Variants in TJP1 observed in about 807,000 individuals in gnomAD.
TJP1 encodes tight junction protein ZO-1.
TJP1 carries 43 observed loss-of-function variants against 194.2 expected under a neutral mutation model. The ratio of observed to expected loss-of-function variants is 0.22; its 90% CI spans 0.17 to 0.29. The LOEUF (loss-of-function observed/expected upper bound fraction) is 0.29. Ranked by LOEUF, TJP1 falls within the 10% of genes least tolerant of loss-of-function variation. The pLI is 1.00. For synonymous variants in TJP1, 801 were observed against 779.0 expected, an observed-to-expected ratio of 1.03 and a Z score of -0.47; for missense variants, 1,971 against 2,185.7, an observed-to-expected ratio of 0.90 and a Z score of 1.96.
rs200206615 is a variant in TJP1 at position 29,733,150 on chromosome 15, A to G, written c.1680T>C (p.Ile560=). 104 of 1,614,018 alleles carry G rather than the reference A, an allele frequency of 6.4e-5. No homozygotes were observed. Among genetic ancestry groups the G allele is most frequent in the Non-Finnish European group, 1.9e-5 (23 of 1,180,030 alleles). Residue 560 remains isoleucine (I), a synonymous_variant, in exon 13 of 28, where the codon ATT becomes ATC. Coordinates refer to ENST00000614355, the MANE Select transcript of TJP1 (RefSeq NM_001330239.4). ...YNGKLGSWLA[I]RIGKNHKEVE... ...CCTCCTTATGATTTTTACCAATTCG[A>G]ATAGCAAGCCAAGAGCCCAGTTTTC... is the stretch of plus-strand genomic sequence containing the variant.
At chr15:29,728,513 G>C (rs2043387390) in intron 15 of TJP1, 1 of 154,016 alleles carries the variant, frequency 6.5e-6, no homozygotes, top group Non-Finnish European at 1.4e-5. Context: ...CTGGGTTAGA[G>C]ACCTTAGTTA....
At chr15:29,710,608 G>A (rs1398036785) in intron 24 of TJP1, among the ~76,000 whole-genome samples, 1 of 152,120 alleles carries the variant, frequency 6.6e-6, no homozygotes, top group Non-Finnish European at 1.5e-5. Context: ...TTAGAGACTA[G>A]CATAAAATAG....
chr15:29,847,425 T>C (rs781283890), intron 2 of TJP1, among the ~76,000 whole-genome samples: 14 of 152,186 alleles, frequency 9.2e-5, no homozygotes, highest in Non-Finnish European at 1.9e-4. Context: ...CTGATTTTGC[T>C]CTCCTTTTTC....
At chr15:29,788,291 G>C (rs1449085425) in intron 2 of TJP1, among the ~76,000 whole-genome samples, 6 of 151,924 alleles carry the variant, frequency 3.9e-5, no homozygotes, top group Non-Finnish European at 8.8e-5. Context: ...GTCCTTTGAA[G>C]CACAAAAGTT....
In TJP1 at chr15:29,705,651, A is replaced by G. The variant is rs2041848350; in HGVS notation, c.4945T>C (p.Ser1649Pro). The G allele has an allele frequency of 6.2e-7, 1 of 1,614,162 alleles. No individual in the cohort carries two copies. Among genetic ancestry groups the G allele is most frequent in the Non-Finnish European group, 8.5e-7 (1 of 1,180,038 alleles). Reference sequence around the variant, plus strand: ...ATTATACTAACACCAGTTTCTATGGAACTCAGCACGCCCCCATTGCTGTTA... The same window carrying G: ...ATTATACTAACACCAGTTTCTATGGGACTCAGCACGCCCCCATTGCTGTTA... Reference protein sequence around the residue: ...IFNSNGGVLSSIETGVSIIIP... With the variant: ...IFNSNGGVLSPIETGVSIIIP... Residue 1649 changes from serine to proline, a missense_variant, in exon 26 of 28, where the codon TCC becomes CCC. Coordinates refer to ENST00000614355, the MANE Select transcript of TJP1 (RefSeq NM_001330239.4).
At chr15:29,849,262 T>C (rs1017671667) in intron 2 of TJP1, among the ~76,000 whole-genome samples, 3 of 152,166 alleles carry the variant, frequency 2.0e-5, no homozygotes, top group African/African-American at 7.2e-5. Flanking sequence ...TGTATGTTTG[T>C]TTTAATAGTA....
At chr15:29,821,484 T>G (rs2050341753) in intron 1 of TJP1, 1 of 152,232 alleles carries the variant, frequency 6.6e-6, no homozygotes, top group South Asian at 2.1e-4. Flanking sequence ...TGGAGTGTTT[T>G]GCAGTCTCAA....
chr15:29,897,286 T>A (rs1002177692), intron 2 of TJP1, among the ~76,000 whole-genome samples: 3 of 152,214 alleles, frequency 2.0e-5, no homozygotes, highest in African/African-American at 4.8e-5. Flanking sequence ...GTAAGCCCCA[T>A]GCCTTGGCAG....
intron 2 of TJP1, among the ~76,000 whole-genome samples, chr15:29,791,033 T>C (rs1198351915): frequency 3.3e-5 from 5 of 151,766 alleles, no homozygotes; most frequent in African/African-American, 9.7e-5. Flanking sequence ...GATATACTCG[T>C]TTCCTTTTTT....
chr15:29,725,228 G>A lies in TJP1; in HGVS notation c.2412+1151C>T, dbSNP rs370778665. Among the ~76,000 whole-genome samples the A allele has an allele frequency of 4.6e-5, 7 of 152,238 alleles. No individual in the cohort carries two copies. The South Asian group carries it at 1.5e-3, about 32-fold the overall frequency. ...TTATTCAGAGTGGTCTTAGGCTCTC[G>A]TATGCATGGTCCATCCCCCAGACTG... On this transcript the variant is annotated intron_variant, in intron 18 of 27. Transcript: ENST00000614355.
At chr15:29,871,335 T>C (rs1315970073) in intron 2 of TJP1, among the ~76,000 whole-genome samples, 2 of 152,226 alleles carry the variant, frequency 1.3e-5, no homozygotes, top group African/African-American at 2.4e-5. Context: ...ATATATACAG[T>C]TGGTTTTTCC....
intron 8 of TJP1, among the ~76,000 whole-genome samples, chr15:29,757,107 C>A (rs915114746): frequency 2.6e-5 from 4 of 152,144 alleles, no homozygotes; most frequent in Non-Finnish European, 4.4e-5. Context: ...CAAGGTTATG[C>A]AAGTAACCAA....
chr15:29,848,157 C>T (rs1369846239), intron 2 of TJP1, among the ~76,000 whole-genome samples: 2 of 151,750 alleles, frequency 1.3e-5, no homozygotes, highest in African/African-American at 4.8e-5. Context: ...GGTGAATGTT[C>T]CATGAGTGCT....
intron 11 of TJP1, among the ~76,000 whole-genome samples, chr15:29,736,668 A>G (rs1241071948): frequency 3.3e-5 from 5 of 152,254 alleles, no homozygotes; most frequent in African/African-American, 1.2e-4. Flanking sequence ...TATAGACTCT[A>G]CTGATACTCT....
chr15:29,773,537 A>G (rs985796950), intron 2 of TJP1, among the ~76,000 whole-genome samples, 180 bp from the exon 3 acceptor site: 1 of 152,242 alleles, frequency 6.6e-6, no homozygotes, highest in Non-Finnish European at 1.5e-5. Flanking sequence ...GCATGCTCTA[A>G]TAACTACTGG....
intron 2 of TJP1, among the ~76,000 whole-genome samples, chr15:29,781,926 T>C (rs2047391322): frequency 6.6e-6 from 1 of 152,120 alleles, no homozygotes; most frequent in Non-Finnish European, 1.5e-5. Flanking sequence ...AAGGATGCCC[T>C]CTCTCATCAC....
At chr15:29,833,882 T>TATATATATATA (rs67819417) in intron 2 of TJP1, among the ~76,000 whole-genome samples, 10 of 7,946 alleles carry the variant, frequency 1.3e-3, no homozygotes, top group Non-Finnish European at 1.5e-3. Context: ...TATATATATA[T>TATATATATATA]TTTTTTTTTT....
chr15:29,707,031 T>C (rs1469871371), intron 25 of TJP1, among the ~76,000 whole-genome samples: 1 of 152,092 alleles, frequency 6.6e-6, no homozygotes, highest in Admixed American at 6.6e-5. Context: ...AAAATCTCCC[T>C]AGGATTTTAA....
At position 29,772,108 on chromosome 15, in the gene TJP1, A is replaced by C; in HGVS notation, c.268T>G (p.Phe90Val). The C allele has an allele frequency of 6.2e-7, 1 of 1,605,830 alleles. No individual in the cohort carries two copies. Among genetic ancestry groups the C allele is most frequent in the Non-Finnish European group, 8.5e-7 (1 of 1,177,554 alleles). ...CTTTTCCTTAGTTGCTGAACAGCAA[A>C]AGCATGTTCAACATTATCCATTGAA... Reference protein sequence around the residue: ...GVSMDNVEHAFAVQQLRKSGK... With the variant: ...GVSMDNVEHAVAVQQLRKSGK... Residue 90 changes from phenylalanine to valine, a missense_variant, in exon 4 of 28, where the codon TTT becomes GTT. Around this residue, in one of 5 missense-constraint regions of TJP1, gnomAD observed 245 missense variants for 336.6 expected, o/e 0.73. Transcript: ENST00000614355.
Sources: allele counts gnomAD v4.1 joint callset (sites outside exome capture counted in the v4.1 genomes callset), GRCh38; gene constraint gnomAD v4.1.1; regional missense constraint gnomAD v4.1.1; transcripts MANE v1.5; gene names NCBI Gene and HGNC (gene_info 2026-07-23, HGNC 2026-07-21).